Variants in ARHGAP22 observed in about 807,000 individuals in gnomAD.
ARHGAP22 encodes Rho GTPase activating protein 22.
A neutral mutation model predicts 59.1 loss-of-function variants in ARHGAP22; 48 were observed. That is an observed-to-expected ratio of 0.81 (90% confidence interval 0.64 to 1.03). The LOEUF is 1.03. ARHGAP22 is among the 50% of genes least tolerant of loss of function. ARHGAP22 has a pLI of 0.00. For synonymous variants in ARHGAP22, 445 were observed against 416.4 expected (o/e 1.07, Z -0.84); for missense variants, 1,015 against 958.7 (o/e 1.06, Z -0.78).
exon 1 of ARHGAP22, chr10:48,652,306 C>A: frequency 6.5e-7 from 1 of 1,534,978 alleles, no homozygotes; most frequent in Non-Finnish European, 8.7e-7. Flanking sequence ...GCAGTCTGTG[C>A]AAATTTCTTC....
intron 3 of ARHGAP22, chr10:48,524,215 T>C (rs1164947494): frequency 1.1e-5 from 8 of 701,096 alleles, no homozygotes; most frequent in Non-Finnish European, 1.4e-5. Context: ...GGGCGCAGGG[T>C]GCGCGGGACC....
intron 1 of ARHGAP22, among the ~76,000 whole-genome samples, chr10:48,590,402 G>A (rs1025061219): frequency 2.0e-5 from 3 of 152,068 alleles, no homozygotes; most frequent in African/African-American, 4.8e-5. Flanking sequence ...AGCATGAGAT[G>A]GCAAGACACT....
At chr10:48,573,380 C>G (rs2058516424) in intron 2 of ARHGAP22, among the ~76,000 whole-genome samples, 1 of 152,194 alleles carries the variant, frequency 6.6e-6, no homozygotes, top group Non-Finnish European at 1.5e-5. Context: ...CTAGAACCAT[C>G]CTGGTTACTC....
chr10:48,520,516 A>G (rs2053707085), intron 3 of ARHGAP22, among the ~76,000 whole-genome samples: 1 of 152,142 alleles, frequency 6.6e-6, no homozygotes, highest in Non-Finnish European at 1.5e-5. Flanking sequence ...GAGGAGGACA[A>G]AGGGGATTCA....
At chr10:48,620,266 TG>T (rs2061237582) in intron 1 of ARHGAP22, among the ~76,000 whole-genome samples, 1 of 10,184 alleles carries the variant, frequency 9.8e-5, no homozygotes, top group Non-Finnish European at 1.8e-4. Flanking sequence ...CACTTGTACA[TG>T]TTTTTTTTTT....
intron 3 of ARHGAP22, among the ~76,000 whole-genome samples, chr10:48,521,141 T>A (rs1292657422): frequency 6.6e-6 from 1 of 152,222 alleles, no homozygotes; most frequent in Non-Finnish European, 1.5e-5. Flanking sequence ...CACTGACCTT[T>A]CAGCTTTTTG....
intron 2 of ARHGAP22, among the ~76,000 whole-genome samples, chr10:48,579,717 G>C (rs2058990847): frequency 6.6e-6 from 1 of 152,178 alleles, no homozygotes; most frequent in South Asian, 2.1e-4. Flanking sequence ...AACATGGCTG[G>C]ATATCCTTCT....
rs2045325741 is a variant in ARHGAP22 at position 48,446,036 on chromosome 10, T to TG, written c.*354dup. The stretch of plus-strand genomic sequence containing the variant: ...AAATGAGCCAGGTAACAAGGCACCA[T>TG]GCTTTGTGAGCACATTTAATAAAGA... On this transcript the variant is annotated 3_prime_UTR_variant, in exon 10 of 10. Transcript: ENST00000249601. 1 of 318,404 alleles carries TG rather than the reference T, an allele frequency of 3.1e-6. No homozygotes were observed. Among genetic ancestry groups the TG allele is most frequent in the Admixed American group, 4.7e-5 (1 of 21,274 alleles). 19.7% of individuals were successfully genotyped at this position (318,404 alleles called of 1,614,324 possible). A position where few individuals can be genotyped will look rare whatever the true frequency, so the allele number is the denominator to read the frequency against.
At chr10:48,465,804 ATTCCACAGT>A (rs1346282936) in intron 4 of ARHGAP22, among the ~76,000 whole-genome samples, 1 of 152,148 alleles carries the variant, frequency 6.6e-6, no homozygotes, top group Non-Finnish European at 1.5e-5. Context: ...TAATTGGGTA[ATTCCACAGT>A]TTCCCTCTTG....
intron 2 of ARHGAP22, among the ~76,000 whole-genome samples, chr10:48,564,538 C>T (rs1340960477): frequency 6.6e-6 from 1 of 152,152 alleles, no homozygotes; most frequent in African/African-American, 2.4e-5. Context: ...ATGTTTGCAT[C>T]AACGTAAAAT....
chr10:48,443,400 T>A (rs1003916475), downstream of ARHGAP22, among the ~76,000 whole-genome samples: 1 of 152,148 alleles, frequency 6.6e-6, no homozygotes, highest in Non-Finnish European at 1.5e-5. Flanking sequence ...CATGACCCCA[T>A]CCTACCCTAC....
chr10:48,614,302 A>T (rs2061000559), intron 1 of ARHGAP22, among the ~76,000 whole-genome samples: 1 of 152,204 alleles, frequency 6.6e-6, no homozygotes, highest in South Asian at 2.1e-4. Context: ...GACAGTATTT[A>T]CCAGATTTGG....
intron 4 of ARHGAP22, among the ~76,000 whole-genome samples, chr10:48,465,968 G>A (rs1339093951): frequency 6.6e-6 from 1 of 152,150 alleles, no homozygotes; most frequent in African/African-American, 2.4e-5. Context: ...GTATTAGGGA[G>A]CTTCAGAATT....
At chr10:48,573,056 G>A (rs1324023187) in intron 2 of ARHGAP22, among the ~76,000 whole-genome samples, 1 of 152,170 alleles carries the variant, frequency 6.6e-6, no homozygotes, top group Non-Finnish European at 1.5e-5. Flanking sequence ...AACAGAGCCT[G>A]GTTCATCAGA....
chr10:48,497,363 T>C (rs1010497260), intron 3 of ARHGAP22, among the ~76,000 whole-genome samples: 2 of 152,200 alleles, frequency 1.3e-5, no homozygotes, highest in African/African-American at 4.8e-5. Flanking sequence ...TTCTGCTTCC[T>C]GCCTCCTCCT....
intron 1 of ARHGAP22, among the ~76,000 whole-genome samples, chr10:48,625,972 A>C (rs531115707): frequency 3.3e-5 from 5 of 152,304 alleles, no homozygotes; most frequent in Admixed American, 3.3e-4. Context: ...CACCACCAGC[A>C]TATCTAGTCC....
intron 2 of ARHGAP22, among the ~76,000 whole-genome samples, chr10:48,564,635 A>G (rs1373034805): frequency 1.3e-5 from 2 of 152,202 alleles, no homozygotes; most frequent in African/African-American, 4.8e-5. Context: ...CTGCCATCTG[A>G]CTACCATCAT....
Position 48,446,120 on chromosome 10 carries a change from G to A in ARHGAP22, c.*271C>T. Reference sequence around the variant, plus strand: ...GGGCGCCCTCCATTTCTGTGGCCATGAAGGATATTTCCTGGGTAAGGGCTA... The same window carrying A: ...GGGCGCCCTCCATTTCTGTGGCCATAAAGGATATTTCCTGGGTAAGGGCTA... On this transcript the variant is annotated 3_prime_UTR_variant, in exon 10 of 10. Transcript: ENST00000249601. The A allele has an allele frequency of 2.1e-6, 1 of 481,590 alleles. No homozygotes were observed. The highest frequency in any genetic ancestry group is 3.6e-5 in the South Asian group (1 of 27,884). 29.8% of individuals were successfully genotyped at this position (481,590 alleles called of 1,614,324 possible).
chr10:48,516,039 A>G (rs1564802917), intron 3 of ARHGAP22, among the ~76,000 whole-genome samples: 1 of 151,994 alleles, frequency 6.6e-6, no homozygotes, highest in Non-Finnish European at 1.5e-5. Flanking sequence ...AAAAAACAAA[A>G]AAACTAGAAA....
Sources: allele counts gnomAD v4.1 joint callset (sites outside exome capture counted in the v4.1 genomes callset), GRCh38; gene constraint gnomAD v4.1.1; transcripts MANE v1.5; gene names NCBI Gene and HGNC (gene_info 2026-07-23, HGNC 2026-07-21).